UBE2V2: variants seen among roughly 807,000 people sequenced by gnomAD.
UBE2V2 encodes the protein ubiquitin conjugating enzyme E2 V2, also known as ubiquitin-conjugating enzyme E2 variant 2.
In UBE2V2, 9 loss-of-function variants were observed where a neutral mutation model predicts 17.2. That is an observed-to-expected ratio of 0.52 (90% CI 0.32 to 0.91). UBE2V2 has a LOEUF of 0.91. Among genes scored for constraint, UBE2V2 ranks in the 40% least tolerant of loss-of-function variants. UBE2V2 has a pLI of 0.04. For missense variants in UBE2V2, 133 were observed against 182.6 expected (o/e 0.73, Z 1.56); for synonymous variants, 61 against 57.5 (o/e 1.06, Z -0.28).
chr8:48,027,771 A>G (rs186014269), intron 1 of UBE2V2, among the ~76,000 whole-genome samples: 18 of 152,336 alleles, frequency 1.2e-4, no homozygotes, highest in Admixed American at 2.6e-4. Context: ...GAATTGTGGC[A>G]TTACAGGCGT....
intron 1 of UBE2V2, among the ~76,000 whole-genome samples, chr8:48,012,737 A>T (rs2091242227): frequency 6.6e-6 from 1 of 152,254 alleles, no homozygotes; most frequent in East Asian, 1.9e-4. Context: ...AAAGAAAAAA[A>T]GCGTGTGCAA....
intron 1 of UBE2V2, among the ~76,000 whole-genome samples, chr8:48,025,352 G>A: frequency 6.7e-6 from 1 of 148,572 alleles, no homozygotes; most frequent in East Asian, 2.0e-4. Context: ...ACTGCAACTT[G>A]TGCAGGGTTC....
chr8:48,013,146 C>T (rs561805644), intron 1 of UBE2V2, among the ~76,000 whole-genome samples: 6 of 151,458 alleles, frequency 4.0e-5, no homozygotes, highest in South Asian at 2.1e-4. Context: ...CATCTGGCTT[C>T]GCTGTTAATT....
Position 48,049,658 on chromosome 8 carries a change from A to G in UBE2V2, c.166-195A>G, listed in dbSNP as rs546853489. 2.1e-5 allele frequency: 8 copies of G among 390,190 alleles called. No homozygotes were observed. The Admixed American group carries it at 2.7e-4, about 13-fold the overall frequency. 24.2% of individuals were successfully genotyped at this position (390,190 alleles called of 1,614,324 possible). ...ATGGAATTAATTTTGTAAAATCTCA[A>G]TTTTTAAGTATGCTTATTGCATTTT... On this transcript the variant is annotated intron_variant, in intron 2 of 3. Coordinates refer to ENST00000523111, the MANE Select transcript of UBE2V2 (RefSeq NM_003350.3).
At chr8:48,024,348 C>T (rs1444666321) in intron 1 of UBE2V2, among the ~76,000 whole-genome samples, 1 of 152,032 alleles carries the variant, frequency 6.6e-6, no homozygotes, top group Non-Finnish European at 1.5e-5. Flanking sequence ...GTAATCCCAG[C>T]ACTTTGGGAG....
chr8:48,020,709 C>T (rs149383147), intron 1 of UBE2V2, among the ~76,000 whole-genome samples: 126 of 152,176 alleles, frequency 8.3e-4, no homozygotes, highest in African/African-American at 2.3e-3. Context: ...GGGCTCAAGC[C>T]GTCTTCTTGC....
At chr8:48,056,943 T>G (rs1227910274) in intron 3 of UBE2V2, among the ~76,000 whole-genome samples, 1 of 151,832 alleles carries the variant, frequency 6.6e-6, no homozygotes, top group East Asian at 1.9e-4. Context: ...CAGGCTGGTC[T>G]TGAACTCCCA....
chr8:48,023,737 A>G (rs1589853587), intron 1 of UBE2V2, among the ~76,000 whole-genome samples: 1 of 151,998 alleles, frequency 6.6e-6, no homozygotes, highest in Non-Finnish European at 1.5e-5. Flanking sequence ...TTAGCCAGGC[A>G]TGATGGTGCT....
At chr8:48,012,849 C>CT (rs1189793340) in intron 1 of UBE2V2, among the ~76,000 whole-genome samples, 6 of 151,236 alleles carry the variant, frequency 4.0e-5, no homozygotes, top group African/African-American at 1.5e-4. Flanking sequence ...TGTCAATTTC[C>CT]TTTTTTTTTC....
intron 1 of UBE2V2, among the ~76,000 whole-genome samples, chr8:48,041,234 C>T (rs1253906424): frequency 2.1e-5 from 3 of 145,846 alleles, no homozygotes; most frequent in East Asian, 4.1e-4. Context: ...TGCAGTGGTG[C>T]GATCTCGGCT....
At chr8:48,024,277 G>A (rs1306793720) in intron 1 of UBE2V2, among the ~76,000 whole-genome samples, 2 of 152,140 alleles carry the variant, frequency 1.3e-5, no homozygotes, top group African/African-American at 2.4e-5. Flanking sequence ...TTAGCTAGAT[G>A]TTGAGTCCAG....
intron 1 of UBE2V2, among the ~76,000 whole-genome samples, chr8:48,019,535 G>A (rs913738389): frequency 2.7e-5 from 4 of 148,036 alleles, no homozygotes; most frequent in Non-Finnish European, 5.9e-5. Context: ...TCAAAAAAAC[G>A]GCAGGGCATG....
At chr8:48,006,482 G>C (rs190040642), upstream of UBE2V2, among the ~76,000 whole-genome samples, 1 of 151,958 alleles carries the variant, frequency 6.6e-6, no homozygotes, top group Non-Finnish European at 1.5e-5. Flanking sequence ...TTTTGCTTAC[G>C]ATTGCCTTGG....
chr8:48,039,411 T>C (rs576591932), intron 1 of UBE2V2, among the ~76,000 whole-genome samples: 2 of 152,344 alleles, frequency 1.3e-5, no homozygotes, highest in South Asian at 4.1e-4. Context: ...TAAGCCGTTA[T>C]GATTCCCTGA....
intron 1 of UBE2V2, among the ~76,000 whole-genome samples, chr8:48,017,681 T>C (rs2091279053): frequency 6.6e-6 from 1 of 151,732 alleles, no homozygotes; most frequent in South Asian, 2.1e-4. Flanking sequence ...CAGTTCTCTC[T>C]TTATTGTTTC....
intron 3 of UBE2V2, among the ~76,000 whole-genome samples, chr8:48,054,421 A>G (rs1002152629): frequency 1.3e-5 from 2 of 152,282 alleles, no homozygotes; most frequent in Admixed American, 6.5e-5. Context: ...CTTACTGTCA[A>G]TCTGGAATGG....
At chr8:48,022,487 A>G (rs1447023756) in intron 1 of UBE2V2, among the ~76,000 whole-genome samples, 1 of 152,088 alleles carries the variant, frequency 6.6e-6, no homozygotes, top group African/African-American at 2.4e-5. Flanking sequence ...GTTACTTTCA[A>G]TAGTTTTGTC....
At position 48,016,409 on chromosome 8, in the gene UBE2V2, AC is replaced by A. The variant is rs534704992; in HGVS notation, c.16+7940del. Among the ~76,000 whole-genome samples, 52 of 152,160 alleles carry A rather than the reference AC, an allele frequency of 3.4e-4. 2 individuals are homozygous for A. In the South Asian group the frequency reaches 0.011, roughly 32 times the overall value. Reference sequence around the variant, plus strand: ...TACTCTTCTTTCTCCATATGGTTGTACTAATTCACATTCCCACCAACAGCAT... The same window carrying A: ...TACTCTTCTTTCTCCATATGGTTGTATAATTCACATTCCCACCAACAGCAT... On this transcript the variant is annotated intron_variant, in intron 1 of 3. Coordinates refer to ENST00000523111, the MANE Select transcript of UBE2V2 (RefSeq NM_003350.3).
In UBE2V2 at chr8:48,016,781, C is replaced by CT. The variant is rs554494819; in HGVS notation, c.16+8330dup. ...ACAGGCGTGAGCCGCCGTGCCCAGC[C>CT]TTTTTTTTTTTTTTTTTTTAATTGA... On this transcript the variant is annotated intron_variant, in intron 1 of 3. Coordinates refer to ENST00000523111, the MANE Select transcript of UBE2V2 (RefSeq NM_003350.3). 6.3e-3 allele frequency among the ~76,000 whole-genome samples: 808 copies of CT among 128,460 alleles called. 7 individuals carry two copies. The highest frequency in any genetic ancestry group is 0.021 in the South Asian group (82 of 3,986). The allele number at this position is 128,460 out of a possible 152,430, so 84.3% of individuals were successfully genotyped here.
Sources: allele counts gnomAD v4.1 joint callset (sites outside exome capture counted in the v4.1 genomes callset), GRCh38; gene constraint gnomAD v4.1.1; transcripts MANE v1.5; gene names NCBI Gene and HGNC (gene_info 2026-07-23, HGNC 2026-07-21).